Variants in CLVS2 observed in about 807,000 individuals in gnomAD.
CLVS2 encodes clavesin 2.
In CLVS2, 19 loss-of-function variants were observed where a neutral mutation model predicts 29.0. The observed-to-expected ratio is 0.66, with a 90% CI of 0.46 to 0.96. The LOEUF is 0.96. Among genes scored for constraint, CLVS2 ranks in the 40% least tolerant of loss-of-function variants. CLVS2 has a pLI of 0.00. For missense variants in CLVS2, 294 were observed against 404.1 expected, an observed-to-expected ratio of 0.73 and a Z score of 2.34; for synonymous variants, 161 against 151.3, an observed-to-expected ratio of 1.06 and a Z score of -0.47.
intron 3 of CLVS2, among the ~76,000 whole-genome samples, chr6:123,037,367 C>T (rs1775169505): frequency 1.3e-5 from 2 of 152,086 alleles, no homozygotes; most frequent in South Asian, 2.1e-4. Context: ...TTATAGTTAA[C>T]CCTTTGGTAT....
Position 123,027,199 on chromosome 6 carries a change from A to G in CLVS2, c.564+16040A>G, listed in dbSNP as rs145981799. On this transcript the variant is annotated intron_variant, in intron 3 of 5. Coordinates refer to ENST00000275162, the MANE Select transcript of CLVS2 (RefSeq NM_001010852.4). ...GAATTTAAACTCTATTTTATGAAGA[A>G]TGGAGAATCAGTGACATCTTGAGTA... 4.1e-3 allele frequency among the ~76,000 whole-genome samples: 624 copies of G among 152,310 alleles called. 4 individuals carry two copies. Among genetic ancestry groups the G allele is most frequent in the African/African-American group, 0.014 (598 of 41,572 alleles).
intron 4 of CLVS2, among the ~76,000 whole-genome samples, chr6:123,053,210 A>G (rs528975925): frequency 2.6e-5 from 4 of 152,046 alleles, no homozygotes; most frequent in South Asian, 4.2e-4. Context: ...ACGGGGCATG[A>G]TGGCGCGCCT....
intron 3 of CLVS2, among the ~76,000 whole-genome samples, chr6:123,030,165 T>C (rs1442429145): frequency 6.6e-6 from 1 of 152,226 alleles, no homozygotes; most frequent in Non-Finnish European, 1.5e-5. Context: ...TCTTATTTCT[T>C]TGAAATAGAA....
chr6:123,039,948 C>T (rs1452785605), intron 3 of CLVS2, among the ~76,000 whole-genome samples: 1 of 152,138 alleles, frequency 6.6e-6, no homozygotes, highest in African/African-American at 2.4e-5. Flanking sequence ...CATTTCACTC[C>T]ATATGCAAAG....
intron 2 of CLVS2, among the ~76,000 whole-genome samples, chr6:123,006,194 G>A (rs1472225271): frequency 1.3e-5 from 2 of 152,146 alleles, no homozygotes; most frequent in Non-Finnish European, 2.9e-5. Flanking sequence ...ACTTAGGTGA[G>A]GTGAAAAGGA....
At chr6:123,040,712 G>A (rs1562171329) in intron 3 of CLVS2, among the ~76,000 whole-genome samples, 1 of 151,074 alleles carries the variant, frequency 6.6e-6, no homozygotes, top group Non-Finnish European at 1.5e-5. Context: ...AAGTTGCAGT[G>A]AGCCGAGATC....
chr6:123,012,202 C>A (rs772619181), intron 3 of CLVS2, among the ~76,000 whole-genome samples: 2 of 151,912 alleles, frequency 1.3e-5, no homozygotes, highest in African/African-American at 2.4e-5. Flanking sequence ...TTTTAAAAAC[C>A]TCCACAGGGA....
chr6:123,011,527 A>G (rs1395575233), intron 3 of CLVS2, among the ~76,000 whole-genome samples: 1 of 151,908 alleles, frequency 6.6e-6, no homozygotes, highest in Non-Finnish European at 1.5e-5. Flanking sequence ...ATTTCATTTA[A>G]CCTGGTGAAT....
rs555081207 is a variant in CLVS2 at position 123,013,572 on chromosome 6, C to A, written c.564+2413C>A. On this transcript the variant is annotated intron_variant, in intron 3 of 5. Coordinates refer to ENST00000275162, the MANE Select transcript of CLVS2 (RefSeq NM_001010852.4). ...ATGGGATGTAACTCTGTTTTGAGGA[C>A]TCCTTGTCTCTTTTTCTCTTGAGTT... Among the ~76,000 whole-genome samples, 4 of 152,044 alleles carry A rather than the reference C, an allele frequency of 2.6e-5. No individual in the cohort carries two copies. The South Asian group carries it at 8.3e-4, about 32-fold the overall frequency.
chr6:123,029,913 A>G (rs1333417525), intron 3 of CLVS2, among the ~76,000 whole-genome samples: 1 of 152,196 alleles, frequency 6.6e-6, no homozygotes, highest in Non-Finnish European at 1.5e-5. Context: ...GTTTTTGTCA[A>G]GAGCATGGTG....
In CLVS2 at chr6:122,997,561, G is replaced by A. The variant is rs1377654773; in HGVS notation, c.-217G>A. 3.3e-6 allele frequency: 2 copies of A among 597,222 alleles called. No individual in the cohort carries two copies. Among genetic ancestry groups the A allele is most frequent in the Admixed American group, 6.1e-5 (2 of 32,618 alleles). 37.0% of individuals were successfully genotyped at this position (597,222 alleles called of 1,614,324 possible). A position where few individuals can be genotyped will look rare whatever the true frequency, so the allele number is the denominator to read the frequency against. On this transcript the variant is annotated 5_prime_UTR_variant, in exon 2 of 6. Coordinates refer to ENST00000275162, the MANE Select transcript of CLVS2 (RefSeq NM_001010852.4). ...AGGGTGTTGTATTTTAGGGGGCAGA[G>A]GAAGAAGTTTACACCCCCCGGCCCC...
chr6:123,044,342 A>G (rs1167489106), intron 3 of CLVS2, among the ~76,000 whole-genome samples: 1 of 152,154 alleles, frequency 6.6e-6, no homozygotes, highest in Admixed American at 6.6e-5. Flanking sequence ...CTGTAAAACC[A>G]AAAGCGCTTT....
At chr6:123,041,190 G>C (rs886657416) in intron 3 of CLVS2, among the ~76,000 whole-genome samples, 1 of 152,104 alleles carries the variant, frequency 6.6e-6, no homozygotes, top group Non-Finnish European at 1.5e-5. Context: ...TAAAAGGATA[G>C]TTCTGAGTTG....
At chr6:123,048,597 T>G in intron 3 of CLVS2, 25 bp from the exon 4 acceptor site, 1 of 1,483,680 alleles carries the variant, frequency 6.7e-7, no homozygotes, top group Non-Finnish European at 9.4e-7. Flanking sequence ...ATATTTTGAT[T>G]GTTTTTTTCT....
Position 123,063,686 on chromosome 6 carries a change from A to G in CLVS2, c.909A>G (p.Val303=). The G allele has an allele frequency of 1.9e-6, 3 of 1,607,120 alleles. No homozygotes were observed. In the South Asian group the frequency reaches 3.3e-5, roughly 18 times the overall value. Reference sequence around the variant, plus strand: ...TTATCCTTTCCAGATCTCAATCAGTAGTGGATCCTACAGTACTAAAACGCA... The same window carrying G: ...TTATCCTTTCCAGATCTCAATCAGTGGTGGATCCTACAGTACTAAAACGCA... ...SPKSMKRSQS[V]VDPTVLKRMD... is the part of the protein sequence containing the mutation. The change falls in exon 6 of 6, where the codon GTA becomes GTG. Residue 303 remains valine, a synonymous_variant. Transcript: ENST00000275162.
chr6:123,064,565 G>T lies in CLVS2; in HGVS notation c.*804G>T, dbSNP rs1772825905. ...CCCCTCCAAAACTCTTTGACTAAGA[G>T]AATGAGAACTCATGTGAACAGTGTT... On this transcript the variant is annotated 3_prime_UTR_variant, in exon 6 of 6. Transcript: ENST00000275162. 6.6e-6 allele frequency: 1 copy of T among 151,784 alleles called. No individual in the cohort carries two copies. The highest frequency in any genetic ancestry group is 2.4e-5 in the African/African-American group (1 of 41,368). The allele number at this position is 151,784 out of a possible 1,614,324, so 9.4% of individuals were successfully genotyped here. A position where few individuals can be genotyped will look rare whatever the true frequency, so the allele number is the denominator to read the frequency against.
Position 123,063,819 on chromosome 6 carries a change from A to G in CLVS2, c.*58A>G. The G allele has an allele frequency of 8.7e-7, 1 of 1,152,442 alleles. No individual in the cohort carries two copies. Among genetic ancestry groups the G allele is most frequent in the Non-Finnish European group, 1.3e-6 (1 of 766,946 alleles). 71.4% of individuals were successfully genotyped at this position (1,152,442 alleles called of 1,614,324 possible). Reference sequence around the variant, plus strand: ...ATGGAAAGTATTGGTTTTCAGCAACAGGGACAACACTGTAGAGGAATTACC... The same window carrying G: ...ATGGAAAGTATTGGTTTTCAGCAACGGGGACAACACTGTAGAGGAATTACC... On this transcript the variant is annotated 3_prime_UTR_variant, in exon 6 of 6. Coordinates refer to ENST00000275162, the MANE Select transcript of CLVS2 (RefSeq NM_001010852.4).
Position 122,998,181 on chromosome 6 carries a change from C to T in CLVS2, c.389+15C>T. 5.6e-6 allele frequency: 9 copies of T among 1,603,480 alleles called. No homozygotes were observed. Among genetic ancestry groups the T allele is most frequent in the Non-Finnish European group, 7.6e-6 (9 of 1,178,028 alleles). On this transcript the variant is annotated intron_variant, in intron 2 of 5. Transcript: ENST00000275162. The stretch of plus-strand genomic sequence containing the variant: ...GATCAGAGCAGGTAAATCCTAAATC[C>T]AAACTTGTATTCTCCTTTTACTCTC...
intron 2 of CLVS2, among the ~76,000 whole-genome samples, chr6:123,006,158 T>G (rs1341806967): frequency 6.6e-6 from 1 of 152,136 alleles, no homozygotes; most frequent in Non-Finnish European, 1.5e-5. Flanking sequence ...CAGGGAAAGC[T>G]GGTGGCGGGC....
Sources: allele counts gnomAD v4.1 joint callset (sites outside exome capture counted in the v4.1 genomes callset), GRCh38; gene constraint gnomAD v4.1.1; transcripts MANE v1.5; gene names NCBI Gene and HGNC (gene_info 2026-07-23, HGNC 2026-07-21).